SULF1: variants seen among roughly 807,000 people sequenced by gnomAD.
The protein encoded by SULF1 is sulfatase 1, also known as extracellular sulfatase Sulf-1.
A neutral mutation model predicts 110.5 loss-of-function variants in SULF1; 46 were observed. The observed-to-expected ratio is 0.42, with a 90% CI of 0.33 to 0.53. SULF1 has a LOEUF of 0.53. Ranked by LOEUF, SULF1 falls within the 20% of genes least tolerant of loss-of-function variation. SULF1 has a pLI of 0.12. For missense variants in SULF1, 941 were observed against 1,094.2 expected (o/e 0.86, Z 1.98); for synonymous variants, 371 against 387.1 (o/e 0.96, Z 0.49).
chr8:69,589,319 C>T (rs182893678), intron 8 of SULF1, among the ~76,000 whole-genome samples, 178 bp downstream of exon 8: 8 of 152,290 alleles, frequency 5.3e-5, no homozygotes, highest in Non-Finnish European at 7.3e-5. Flanking sequence ...TGAAAGAAAG[C>T]GCCTTATCTG....
intron 8 of SULF1, among the ~76,000 whole-genome samples, chr8:69,596,612 G>A (rs1002029525): frequency 4.5e-4 from 68 of 152,256 alleles, no homozygotes; most frequent in African/African-American, 1.5e-3. Flanking sequence ...CTTTTAATGA[G>A]TGGGATTTTT....
intron 19 of SULF1, among the ~76,000 whole-genome samples, chr8:69,636,342 C>T (rs532809390): frequency 9.9e-5 from 15 of 152,100 alleles, no homozygotes; most frequent in Non-Finnish European, 1.9e-4. Context: ...CAAGACCATC[C>T]TGGCTAACAC....
chr8:69,636,094 T>C (rs1810974435), intron 19 of SULF1, among the ~76,000 whole-genome samples: 1 of 152,172 alleles, frequency 6.6e-6, no homozygotes, highest in African/African-American at 2.4e-5. Context: ...TCCTATTAGG[T>C]TGGTGCAAAA....
chr8:69,603,763 C>T (rs1032903499), intron 12 of SULF1, 107 bp downstream of exon 12: 12 of 779,786 alleles, frequency 1.5e-5, no homozygotes, highest in Admixed American at 3.9e-5. Context: ...ATGCAGATTT[C>T]GTAAACCTAG....
At chr8:69,634,764 G>A (rs760268546) in intron 19 of SULF1, among the ~76,000 whole-genome samples, 5 of 151,904 alleles carry the variant, frequency 3.3e-5, no homozygotes, top group South Asian at 2.1e-4. Context: ...AGAGAGAGGC[G>A]GAGAGAATAA....
chr8:69,573,145 G>A (rs1805358800), intron 5 of SULF1, among the ~76,000 whole-genome samples: 1 of 152,180 alleles, frequency 6.6e-6, no homozygotes, highest in African/African-American at 2.4e-5. Flanking sequence ...GCATTTTCAA[G>A]GACCCCAGTG....
chr8:69,516,926 C>T (rs1238415793), intron 3 of SULF1, among the ~76,000 whole-genome samples: 1 of 152,184 alleles, frequency 6.6e-6, no homozygotes, highest in Non-Finnish European at 1.5e-5. Context: ...TGGGAAAAGA[C>T]ATTTCTTGTG....
At chr8:69,596,673 T>G (rs1345325217) in intron 8 of SULF1, among the ~76,000 whole-genome samples, 1 of 152,116 alleles carries the variant, frequency 6.6e-6, no homozygotes, top group Admixed American at 6.6e-5. Context: ...TGTGGTGTTG[T>G]AGGAGGGGCA....
chr8:69,555,209 C>G (rs1435203795), intron 3 of SULF1, among the ~76,000 whole-genome samples: 4 of 152,134 alleles, frequency 2.6e-5, no homozygotes, highest in African/African-American at 9.7e-5. Flanking sequence ...ATGCCTCCTT[C>G]ACACTGTTTC....
In SULF1 at chr8:69,660,674, T is replaced by C. The variant is rs572775029; in HGVS notation, c.*2139T>C. ...TTTTGGTAACTTTAAATCTTTATCA[T>C]AGACTCTGTACATATGTTCAAATTA... On this transcript the variant is annotated 3_prime_UTR_variant, in exon 23 of 23. Coordinates refer to ENST00000402687, the MANE Select transcript of SULF1 (RefSeq NM_001128205.2). The C allele has an allele frequency of 6.5e-6, 1 of 152,778 alleles. No homozygotes were observed. 9.5% of individuals were successfully genotyped at this position (152,778 alleles called of 1,614,324 possible).
At chr8:69,468,834 A>T (rs1311721996) in intron 1 of SULF1, among the ~76,000 whole-genome samples, 2 of 152,202 alleles carry the variant, frequency 1.3e-5, no homozygotes, top group African/African-American at 2.4e-5. Context: ...CCTCCCTGAG[A>T]TGTGGCATGA....
chr8:69,622,753 C>T (rs1177504010), intron 14 of SULF1, among the ~76,000 whole-genome samples: 3 of 152,162 alleles, frequency 2.0e-5, no homozygotes, highest in African/African-American at 7.2e-5. Flanking sequence ...GTATTAGGCA[C>T]AAACACAAGT....
At position 69,629,464 on chromosome 8, in the gene SULF1, G is replaced by T. The variant is rs753483970; in HGVS notation, c.2109-40G>T. On this transcript the variant is annotated intron_variant, in intron 18 of 22. Coordinates refer to ENST00000402687, the MANE Select transcript of SULF1 (RefSeq NM_001128205.2). ...CAAGCCTATTTGTAATTGAGAAAGT[G>T]CCTTCTGAACACTCAAAATAATCCC... 1.9e-6 allele frequency: 3 copies of T among 1,558,776 alleles called. No individual in the cohort carries two copies. The South Asian group carries it at 3.7e-5, about 19-fold the overall frequency.
At chr8:69,553,537 G>A (rs1477440699) in intron 3 of SULF1, among the ~76,000 whole-genome samples, 1 of 152,162 alleles carries the variant, frequency 6.6e-6, no homozygotes, top group Non-Finnish European at 1.5e-5. Context: ...TTAATATTTT[G>A]AAATTGACAA....
chr8:69,475,830 A>T (rs1200474089), intron 1 of SULF1, among the ~76,000 whole-genome samples: 2 of 152,206 alleles, frequency 1.3e-5, no homozygotes, highest in Non-Finnish European at 2.9e-5. Flanking sequence ...TAATGTTCTG[A>T]TCATTGGTGG....
Position 69,638,841 on chromosome 8 carries a change from C to G in SULF1, c.2534C>G (p.Pro845Arg), listed in dbSNP as rs372242544. The change falls in exon 21 of 23, where the codon CCT (proline) becomes CGT (arginine). Residue 845 changes from proline to arginine, a missense_variant. Physicochemically the swap from Pro to Arg is moderately radical, Grantham distance 103. Around this residue, in one of 3 missense-constraint regions of SULF1, gnomAD observed 112 missense variants for 133.5 expected, o/e 0.84. Coordinates refer to ENST00000402687, the MANE Select transcript of SULF1 (RefSeq NM_001128205.2). The stretch of plus-strand genomic sequence containing the variant: ...GGATATAAGCAGTGCAACCCAAGAC[C>G]TAAGAATCTTGATGTTGGTAAGGAA... ...CQGYKQCNPR[P>R]KNLDVGNKDG... 55 of 1,607,636 alleles carry G rather than the reference C, an allele frequency of 3.4e-5. No individual in the cohort carries two copies. The highest frequency in any genetic ancestry group is 6.9e-5 in the Admixed American group (4 of 58,242).
At chr8:69,641,594 G>T (rs2130689507) in intron 22 of SULF1, among the ~76,000 whole-genome samples, 1 of 152,062 alleles carries the variant, frequency 6.6e-6, no homozygotes, top group African/African-American at 2.4e-5. Flanking sequence ...TAACTAGCCA[G>T]GTGTGGTGAT....
At chr8:69,478,440 C>T (rs1314820732) in intron 1 of SULF1, among the ~76,000 whole-genome samples, 2 of 152,124 alleles carry the variant, frequency 1.3e-5, no homozygotes, top group African/African-American at 4.8e-5. Context: ...ATCCCACTCC[C>T]CCTATACACT....
intron 7 of SULF1, 56 bp from the exon 8 acceptor site, chr8:69,588,916 G>T (rs561393466): frequency 6.5e-7 from 1 of 1,545,860 alleles, no homozygotes; most frequent in African/African-American, 1.4e-5. Flanking sequence ...ATTCAAATGC[G>T]ATCTGATGAA....
Sources: allele counts gnomAD v4.1 joint callset (sites outside exome capture counted in the v4.1 genomes callset), GRCh38; gene constraint gnomAD v4.1.1; regional missense constraint gnomAD v4.1.1; transcripts MANE v1.5; gene names NCBI Gene and HGNC (gene_info 2026-07-23, HGNC 2026-07-21).